PLS1: variants seen among roughly 807,000 people sequenced by gnomAD.
The protein encoded by PLS1 is plastin 1, also known as plastin-1.
A neutral mutation model predicts 73.7 loss-of-function variants in PLS1; 32 were observed. The observed-to-expected ratio is 0.43, with a 90% CI of 0.33 to 0.58. The LOEUF (loss-of-function observed/expected upper bound fraction) is 0.58, where lower values mean the gene tolerates loss of function less well. PLS1 is among the 20% of genes least tolerant of loss of function. The probability of loss-of-function intolerance (pLI) is 0.04; values close to 1 mark genes in which losing one functional copy is unlikely to be tolerated. For synonymous variants in PLS1, 217 were observed against 261.3 expected, an observed-to-expected ratio of 0.83 and a Z score of 1.63; for missense variants, 633 against 740.5, an observed-to-expected ratio of 0.85 and a Z score of 1.68.
At chr3:142,689,576 A>C (rs1228422541) in intron 9 of PLS1, 42 bp from the exon 10 acceptor site, 1 of 1,248,376 alleles carries the variant, frequency 8.0e-7, no homozygotes, top group Non-Finnish European at 1.1e-6. Context: ...AAATTATGCC[A>C]ATTAAAACTT....
intron 6 of PLS1, 63 bp downstream of exon 6, chr3:142,678,176 A>C: frequency 1.3e-6 from 1 of 743,140 alleles, no homozygotes; most frequent in Non-Finnish European, 2.1e-6. Flanking sequence ...ACCTTTATTA[A>C]TGAATGCTTG....
At chr3:142,632,538 T>C (rs752030308) in intron 1 of PLS1, among the ~76,000 whole-genome samples, 1 of 151,878 alleles carries the variant, frequency 6.6e-6, no homozygotes, top group Non-Finnish European at 1.5e-5. Flanking sequence ...AAAAATAGAA[T>C]TAACATATGA....
At chr3:142,669,282 C>G (rs1158365940) in intron 2 of PLS1, 108 bp from the exon 3 acceptor site, 7 of 598,376 alleles carry the variant, frequency 1.2e-5, no homozygotes, top group Non-Finnish European at 2.0e-5. Context: ...ACCTGTGAAA[C>G]AAATGTGAAA....
At chr3:142,634,521 A>G (rs1460315419) in intron 1 of PLS1, among the ~76,000 whole-genome samples, 1 of 152,194 alleles carries the variant, frequency 6.6e-6, no homozygotes, top group Non-Finnish European at 1.5e-5. Flanking sequence ...GGATTTGTCT[A>G]TTTCTCACTG....
intron 1 of PLS1, among the ~76,000 whole-genome samples, chr3:142,609,023 G>T (rs1335593600): frequency 6.6e-6 from 1 of 152,180 alleles, no homozygotes; most frequent in Non-Finnish European, 1.5e-5. Context: ...CTTTAAATTG[G>T]AGTAGATGTG....
chr3:142,704,720 C>T, intron 14 of PLS1, 134 bp downstream of exon 14: 1 of 404,544 alleles, frequency 2.5e-6, no homozygotes, highest in Non-Finnish European at 4.1e-6. Context: ...GCGATCTTGG[C>T]TCACTGCAAG....
At chr3:142,637,449 T>C (rs899361530) in intron 1 of PLS1, among the ~76,000 whole-genome samples, 7 of 152,198 alleles carry the variant, frequency 4.6e-5, no homozygotes, top group Non-Finnish European at 1.0e-4. Context: ...TTCACTTTCT[T>C]AATAGTGACA....
chr3:142,684,382 G>A lies in PLS1; in HGVS notation c.875G>A (p.Ser292Asn). 2 of 1,613,428 alleles carry A rather than the reference G, an allele frequency of 1.2e-6. No individual in the cohort carries two copies. The highest frequency in any genetic ancestry group is 1.1e-5 in the South Asian group (1 of 91,028). Residue 292 changes from serine to asparagine, a missense_variant, in exon 8 of 16, where the codon AGC (serine) becomes AAC (asparagine). Physicochemically the swap from Ser to Asn is conservative, Grantham distance 46. Transcript: ENST00000457734. Reference sequence around the variant, plus strand: ...GGATGGCATACCATCAGCAACTTCAGCCAAGACATTAAGGTTTATATTTAA... The same window carrying A: ...GGATGGCATACCATCAGCAACTTCAACCAAGACATTAAGGTTTATATTTAA... ...NAGWHTISNFSQDIKDSRAYF... is the reference protein window; with the variant it reads ...NAGWHTISNFNQDIKDSRAYF...
At position 142,712,275 on chromosome 3, in the gene PLS1, G is replaced by A. The variant is rs140467125; in HGVS notation, c.*268G>A. 1 of 280,378 alleles carries A rather than the reference G, an allele frequency of 3.6e-6. No homozygotes were observed. The highest frequency in any genetic ancestry group is 2.2e-5 in the African/African-American group (1 of 46,062). The allele number at this position is 280,378 out of a possible 1,614,324, so 17.4% of individuals were successfully genotyped here. ...ATTAAATTATTTTTGTTGCTTAAAAGTCGTATTAGACAAGACTAAATCATT... is the reference window on the plus strand; with the variant it reads ...ATTAAATTATTTTTGTTGCTTAAAAATCGTATTAGACAAGACTAAATCATT... On this transcript the variant is annotated 3_prime_UTR_variant, in exon 16 of 16. Transcript: ENST00000457734.
intron 2 of PLS1, among the ~76,000 whole-genome samples, chr3:142,664,903 C>G (rs888300204): frequency 1.3e-5 from 2 of 151,172 alleles, no homozygotes; most frequent in African/African-American, 4.9e-5. Context: ...TCCTCATACT[C>G]TGTTGGATCT....
chr3:142,703,855 T>G lies in PLS1; in HGVS notation c.1372-13T>G, dbSNP rs745906363. 9.4e-5 allele frequency: 150 copies of G among 1,588,744 alleles called. No homozygotes were observed. The highest frequency in any genetic ancestry group is 1.2e-4 in the Non-Finnish European group (138 of 1,158,118). On this transcript the variant is annotated splice_polypyrimidine_tract_variant and intron_variant, in intron 12 of 15. Coordinates refer to ENST00000457734, the MANE Select transcript of PLS1 (RefSeq NM_001145319.2). ...AAAAATCTTTTTATACCCAAACTTTTACTTATTTATAGATTGAAAACTGTA... is the reference window on the plus strand; with the variant it reads ...AAAAATCTTTTTATACCCAAACTTTGACTTATTTATAGATTGAAAACTGTA...
intron 4 of PLS1, among the ~76,000 whole-genome samples, chr3:142,675,211 T>C (rs2037694469): frequency 6.6e-6 from 1 of 152,214 alleles, no homozygotes; most frequent in Non-Finnish European, 1.5e-5. Context: ...TTTCCTTATT[T>C]AATTAACATA....
At chr3:142,656,626 T>C (rs577364013) in intron 1 of PLS1, 1 of 152,344 alleles carries the variant, frequency 6.6e-6, no homozygotes, top group African/African-American at 2.4e-5. Context: ...GCTAGACATA[T>C]AGATGAAAAT....
At position 142,689,803 on chromosome 3, in the gene PLS1, T is replaced by C; in HGVS notation, c.1167T>C (p.Asn389=). The C allele has an allele frequency of 6.3e-7, 1 of 1,583,092 alleles. No homozygotes were observed. Among genetic ancestry groups the C allele is most frequent in the Non-Finnish European group, 8.6e-7 (1 of 1,163,826 alleles). Residue 389 remains asparagine (N), a synonymous_variant, in exon 10 of 16, where the codon AAT becomes AAC. Transcript: ENST00000457734. ...HKPNNNDIDM[N]LLEGESKEER... is the part of the protein sequence containing the mutation. ...CGAATAATAATGACATCGATATGAA[T>C]TTACTGGAAGGTGCGTTCTTTCTGC...
chr3:142,664,056 A>T (rs2037427152), intron 1 of PLS1, 146 bp from the exon 2 acceptor site: 1 of 384,838 alleles, frequency 2.6e-6, no homozygotes, highest in South Asian at 6.0e-5. Flanking sequence ...AGAGATTGTT[A>T]CCAGGGGACC....
intron 8 of PLS1, 27 bp from the exon 9 acceptor site, chr3:142,686,257 A>G: frequency 7.6e-7 from 1 of 1,315,182 alleles, no homozygotes; most frequent in South Asian, 1.2e-5. Flanking sequence ...TCGTTTTAAA[A>G]ATGCTATTTC....
chr3:142,619,205 A>G (rs1286105472), intron 1 of PLS1, among the ~76,000 whole-genome samples: 1 of 152,196 alleles, frequency 6.6e-6, no homozygotes, highest in Admixed American at 6.5e-5. Context: ...TATCTCTGTG[A>G]GTAGGAAAGG....
Position 142,676,213 on chromosome 3 carries a change from G to T in PLS1, c.421G>T (p.Asp141Tyr). 1 of 1,613,112 alleles carries T rather than the reference G, an allele frequency of 6.2e-7. No individual in the cohort carries two copies. Among genetic ancestry groups the T allele is most frequent in the Non-Finnish European group, 8.5e-7 (1 of 1,179,098 alleles). Residue 141 changes from aspartate to tyrosine, a missense_variant, in exon 5 of 16, where the codon GAC becomes TAC. Asp to Tyr is a radical substitution (Grantham distance 160, BLOSUM62 -3). Coordinates refer to ENST00000457734, the MANE Select transcript of PLS1 (RefSeq NM_001145319.2). ...AAACAAAGCCCTGGAGAATGACCCT[G>T]ACTGTAAGCATCTTATACCCATGAA... ...WINKALENDP[D>Y]CKHLIPMNPN...
At chr3:142,702,804 A>G (rs1375972055) in intron 12 of PLS1, among the ~76,000 whole-genome samples, 1 of 152,160 alleles carries the variant, frequency 6.6e-6, no homozygotes, top group African/African-American at 2.4e-5. Context: ...AGGGTAAACA[A>G]TTTATTAGGT....
Sources: gnomAD v4.1 joint callset for allele counts (sites outside exome capture counted in the v4.1 genomes callset) on GRCh38, gnomAD v4.1.1 for gene constraint, MANE v1.5 for transcripts, NCBI Gene and HGNC (gene_info 2026-07-23, HGNC 2026-07-21) for gene names.